Variants in VSTM2A observed in about 807,000 individuals in gnomAD.
The protein encoded by VSTM2A is V-set and transmembrane domain containing 2A.
VSTM2A carries 13 observed loss-of-function variants against 27.3 expected under a neutral mutation model. That is an observed-to-expected ratio of 0.48 (90% confidence interval 0.31 to 0.76). The LOEUF (loss-of-function observed/expected upper bound fraction) is 0.76, where lower values mean the gene tolerates loss of function less well. VSTM2A is among the 30% of genes least tolerant of loss of function. The pLI, the probability that VSTM2A is intolerant of heterozygous loss-of-function variation, is 0.05. For synonymous variants in VSTM2A, 142 were observed against 125.7 expected (o/e 1.13, Z -0.87); for missense variants, 280 against 310.0 (o/e 0.90, Z 0.73).
intron 2 of VSTM2A, 31 bp downstream of exon 2, chr7:54,544,819 C>T (rs1584041785): frequency 6.4e-7 from 1 of 1,565,716 alleles, no homozygotes; most frequent in Non-Finnish European, 8.7e-7. Flanking sequence ...CGCGTCTCCC[C>T]TTCGCTCGCC....
chr7:54,558,374 A>C (rs1788441266), intron 4 of VSTM2A: 1 of 152,194 alleles, frequency 6.6e-6, no homozygotes, highest in African/African-American at 2.4e-5. Flanking sequence ...TTTGCTATCT[A>C]CCAGCTTGTT....
chr7:54,544,003 T>TGTATGGCA (rs1787864232), intron 1 of VSTM2A, among the ~76,000 whole-genome samples: 1 of 152,180 alleles, frequency 6.6e-6, no homozygotes, highest in South Asian at 2.1e-4. Flanking sequence ...CATCTTAAGA[T>TGTATGGCA]GTATGGCAAT....
In VSTM2A at chr7:54,569,361, C is replaced by A; in HGVS notation, c.*142C>A. 1 of 1,392,484 alleles carries A rather than the reference C, an allele frequency of 7.2e-7. No individual in the cohort carries two copies. The highest frequency in any genetic ancestry group is 9.6e-7 in the Non-Finnish European group (1 of 1,046,242). 86.3% of individuals were successfully genotyped at this position (1,392,484 alleles called of 1,614,324 possible). On this transcript the variant is annotated 3_prime_UTR_variant, in exon 5 of 5. Transcript: ENST00000402613. ...GAAGTGATAGAACGTTTTCTAATAG[C>A]AAGATCTATTTTTTCCCTTTTCTTT...
chr7:54,562,111 A>G (rs1181855349), intron 4 of VSTM2A, among the ~76,000 whole-genome samples: 3 of 152,046 alleles, frequency 2.0e-5, no homozygotes, highest in African/African-American at 7.2e-5. Flanking sequence ...TTTAGTAGAA[A>G]CAGGGTTTCA....
At chr7:54,562,046 C>T (rs925716587) in intron 4 of VSTM2A, among the ~76,000 whole-genome samples, 1 of 152,020 alleles carries the variant, frequency 6.6e-6, no homozygotes, top group Non-Finnish European at 1.5e-5. Flanking sequence ...GCATCAGCCT[C>T]GCAAGTAGCT....
chr7:54,557,101 TC>T (rs1788386826), intron 4 of VSTM2A: 1 of 152,270 alleles, frequency 6.6e-6, no homozygotes, highest in Non-Finnish European at 1.5e-5. Context: ...AAGAGCTCCT[TC>T]TTCCAAGGAC....
At chr7:54,560,924 T>C (rs649521) in intron 4 of VSTM2A, among the ~76,000 whole-genome samples, 1 of 152,222 alleles carries the variant, frequency 6.6e-6, no homozygotes, top group African/African-American at 2.4e-5. Flanking sequence ...ATGTTTTTCT[T>C]GCTTCATTTT....
chr7:54,561,254 G>A (rs980935500), intron 4 of VSTM2A, among the ~76,000 whole-genome samples: 14 of 152,164 alleles, frequency 9.2e-5, no homozygotes, highest in Non-Finnish European at 1.8e-4. Flanking sequence ...ATTGTGTTTA[G>A]CATGTACTTA....
chr7:54,565,828 A>T (rs1788703295), intron 4 of VSTM2A, among the ~76,000 whole-genome samples: 1 of 152,252 alleles, frequency 6.6e-6, no homozygotes. Flanking sequence ...TAGTGAAGTT[A>T]ATATCTGGAA....
intron 4 of VSTM2A, chr7:54,551,692 T>G (rs1056259091): frequency 1.3e-5 from 2 of 152,212 alleles, no homozygotes; most frequent in Admixed American, 1.3e-4. Flanking sequence ...AGATTTAATG[T>G]CTTTGGAGTG....
intron 4 of VSTM2A, among the ~76,000 whole-genome samples, chr7:54,553,141 C>G (rs1294619858): frequency 1.3e-5 from 2 of 152,078 alleles, no homozygotes; most frequent in South Asian, 2.1e-4. Flanking sequence ...CAAGATAAAG[C>G]TAACTGTTAT....
intron 4 of VSTM2A, among the ~76,000 whole-genome samples, chr7:54,563,554 C>G (rs556390018): frequency 6.6e-6 from 1 of 152,294 alleles, no homozygotes; most frequent in Non-Finnish European, 1.5e-5. Context: ...CATGCATCCA[C>G]TCTTCAGTAG....
chr7:54,543,564 A>G lies in VSTM2A; in HGVS notation c.79+755A>G, dbSNP rs562484136. Among the ~76,000 whole-genome samples the G allele has an allele frequency of 5.3e-5, 8 of 151,998 alleles. No homozygotes were observed. In the South Asian group the frequency reaches 1.7e-3, roughly 32 times the overall value. On this transcript the variant is annotated intron_variant, in intron 1 of 4. Coordinates refer to ENST00000402613, the MANE Select transcript of VSTM2A (RefSeq NM_001301009.2). ...AGAGATCATTTTTGGGATTTCATAA[A>G]ATGTTGAAAAGAGACAGTGTCTCTC...
intron 2 of VSTM2A, chr7:54,546,539 CGCCTCACCCCTGGCGCCCCCCCGCCT>C (rs1787979466): frequency 6.1e-6 from 1 of 163,328 alleles, no homozygotes; most frequent in African/African-American, 2.8e-5. Flanking sequence ...GGCGCCCGCC[CGCCTCACCCCTGGCGCCCCCCCGCCT>C]GCCCGCCCGC....
At position 54,569,157 on chromosome 7, in the gene VSTM2A, A is replaced by T. The variant is rs763632174; in HGVS notation, c.661A>T (p.Thr221Ser). 12 of 1,553,832 alleles carry T rather than the reference A, an allele frequency of 7.7e-6. No individual in the cohort carries two copies. In the South Asian group the frequency reaches 1.4e-4, roughly 18 times the overall value. Residue 221 changes from threonine (T) to serine (S), a missense_variant, in exon 5 of 5, where the codon ACG becomes TCG. Transcript: ENST00000402613. ...SAKSKSPVKS[T>S]ERTAKLTLNS... ...AAAGAGCAAATCGCCTGTAAAATCT[A>T]CGGAGCGGACAGCAAAGTTGACCCT...
At chr7:54,543,005 T>C (rs1320782293) in intron 1 of VSTM2A, among the ~76,000 whole-genome samples, 196 bp downstream of exon 1, 1 of 152,160 alleles carries the variant, frequency 6.6e-6, no homozygotes, top group African/African-American at 2.4e-5. Flanking sequence ...AGAGAAAATC[T>C]AGCTGGTGCC....
chr7:54,567,513 A>G (rs1311955972), intron 4 of VSTM2A, among the ~76,000 whole-genome samples: 1 of 152,210 alleles, frequency 6.6e-6, no homozygotes, highest in Non-Finnish European at 1.5e-5. Context: ...GCCATGTCCT[A>G]TGAAGGGTTG....
chr7:54,569,203 C>A lies in VSTM2A; in HGVS notation c.707C>A (p.Ala236Glu). 6.4e-7 allele frequency: 1 copy of A among 1,551,700 alleles called. No homozygotes were observed. The highest frequency in any genetic ancestry group is 1.4e-5 in the African/African-American group (1 of 73,174). The stretch of plus-strand genomic sequence containing the variant: ...ACCCTAAACTCCAAGCACCACCCTG[C>A]ACCCACTGTACTCTAATTCACTACA... ...KLTLNSKHHP[A>E]PTVL The change falls in exon 5 of 5, where the codon GCA (alanine) becomes GAA (glutamate). Residue 236 changes from alanine (A) to glutamate (E), a missense_variant. Coordinates refer to ENST00000402613, the MANE Select transcript of VSTM2A (RefSeq NM_001301009.2).
At chr7:54,547,139 A>C in intron 3 of VSTM2A, 142 bp downstream of exon 3, 5 of 782,870 alleles carry the variant, frequency 6.4e-6, no homozygotes, top group Non-Finnish European at 3.8e-6. Context: ...ATACATACAA[A>C]TGGAAGCACA....
Sources: gnomAD v4.1 joint callset for allele counts (sites outside exome capture counted in the v4.1 genomes callset) on GRCh38, gnomAD v4.1.1 for gene constraint, MANE v1.5 for transcripts, NCBI Gene and HGNC (gene_info 2026-07-23, HGNC 2026-07-21) for gene names.